The following ZNF469 variants were observed in gnomAD, a reference collection of about 807,000 sequenced individuals.
ZNF469 encodes zinc finger protein 469.
Under a neutral mutation model 1.0 loss-of-function variants are expected in ZNF469, and 1 was observed. The ratio of observed to expected loss-of-function variants is 1.00; its 90% CI spans 0.35 to 4.73. ZNF469 has a LOEUF of 4.73. Among genes scored for constraint, ZNF469 ranks in the 30% most tolerant of loss-of-function variants. The pLI is 0.16. For missense variants in ZNF469, 6,100 were observed against 5,356.3 expected (o/e 1.14, Z -4.33); for synonymous variants, 2,703 against 2,363.4 (o/e 1.14, Z -4.17).
At chr16:88,229,452 C>A in the ZNF469 span, among the ~76,000 whole-genome samples, 1 of 152,232 alleles carries the variant, frequency 6.6e-6, no homozygotes, top group Non-Finnish European at 1.5e-5. Context: ...GTTTTCCGTT[C>A]CTGCCAAGAC....
the ZNF469 span, among the ~76,000 whole-genome samples, chr16:88,338,035 G>A: frequency 6.6e-6 from 1 of 152,164 alleles, no homozygotes; most frequent in South Asian, 2.1e-4. Flanking sequence ...TGCTTTCGGT[G>A]ACACATCTAC....
chr16:88,174,738 A>G, the ZNF469 span, among the ~76,000 whole-genome samples: 8 of 150,508 alleles, frequency 5.3e-5, no homozygotes, highest in Non-Finnish European at 1.2e-4. Context: ...CCTTATGGTT[A>G]TAATATTTTT....
chr16:88,262,315 G>A, the ZNF469 span, among the ~76,000 whole-genome samples: 1 of 152,226 alleles, frequency 6.6e-6, no homozygotes, highest in South Asian at 2.1e-4. This position sits in a 1 kb window ranked among gnomAD's most constrained non-coding sequence, Gnocchi z 4.3. Context: ...ATCCCAGAGC[G>A]AGAAGGCAGC....
chr16:88,175,485 A>G, the ZNF469 span, among the ~76,000 whole-genome samples: 3 of 152,236 alleles, frequency 2.0e-5, no homozygotes, highest in Non-Finnish European at 4.4e-5. Context: ...ATCATACAAT[A>G]TATGTTTTCT....
the ZNF469 span, among the ~76,000 whole-genome samples, chr16:88,308,361 A>G: frequency 6.6e-6 from 1 of 152,244 alleles, no homozygotes; most frequent in Admixed American, 6.5e-5. Flanking sequence ...AGTTTTGGCA[A>G]GAAAGCCAGA....
chr16:88,141,106 G>A, the ZNF469 span, among the ~76,000 whole-genome samples: 187 of 152,194 alleles, frequency 1.2e-3, no homozygotes, highest in African/African-American at 4.3e-3. Context: ...CCCACCTTAC[G>A]GACACAATAA....
chr16:88,322,386 C>A, the ZNF469 span, among the ~76,000 whole-genome samples: 2 of 152,252 alleles, frequency 1.3e-5, no homozygotes. Flanking sequence ...GGCTCCTGCA[C>A]CTGCTCTCGC....
At chr16:88,170,558 A>G in the ZNF469 span, among the ~76,000 whole-genome samples, 4 of 152,242 alleles carry the variant, frequency 2.6e-5, no homozygotes, top group African/African-American at 9.6e-5. This position sits in a 1 kb window ranked among gnomAD's most constrained non-coding sequence, Gnocchi z 4.2. Context: ...CACCTGGCTC[A>G]TTTCACTTGG....
upstream of ZNF469, among the ~76,000 whole-genome samples, chr16:88,380,739 C>T (rs546060708): frequency 2.0e-5 from 3 of 150,010 alleles, no homozygotes; most frequent in African/African-American, 7.4e-5. Context: ...GACATGCACT[C>T]ACACACAGAC....
chr16:88,282,778 C>T, the ZNF469 span, among the ~76,000 whole-genome samples: 2 of 152,192 alleles, frequency 1.3e-5, no homozygotes, highest in African/African-American at 2.4e-5. Context: ...GGAGACATCT[C>T]CTGACCTCGA....
the ZNF469 span, among the ~76,000 whole-genome samples, chr16:88,187,426 G>A: frequency 1.6e-4 from 25 of 152,302 alleles, no homozygotes; most frequent in African/African-American, 4.6e-4. Context: ...GAAAACCTCC[G>A]GAATGGCTCC....
the ZNF469 span, among the ~76,000 whole-genome samples, chr16:88,123,016 C>T: frequency 6.6e-6 from 1 of 152,166 alleles, no homozygotes; most frequent in East Asian, 1.9e-4. Context: ...ATTTTTGATA[C>T]TCAGATTGCC....
the ZNF469 span, among the ~76,000 whole-genome samples, chr16:88,122,096 C>T: frequency 6.7e-6 from 1 of 148,270 alleles, no homozygotes; most frequent in Non-Finnish European, 1.5e-5. Context: ...TCGGCAGCCC[C>T]TCGGATCACA....
chr16:88,154,716 G>C, the ZNF469 span, among the ~76,000 whole-genome samples: 1 of 152,190 alleles, frequency 6.6e-6, no homozygotes, highest in Non-Finnish European at 1.5e-5. Flanking sequence ...CTGTTCATTT[G>C]TCTATCACTG....
the ZNF469 span, among the ~76,000 whole-genome samples, chr16:88,238,807 C>T: frequency 6.6e-6 from 1 of 152,258 alleles, no homozygotes; most frequent in Admixed American, 6.5e-5. Flanking sequence ...CAGCAGCCCA[C>T]TGTCCTTGTT....
At chr16:88,300,255 A>C in the ZNF469 span, among the ~76,000 whole-genome samples, 1 of 152,068 alleles carries the variant, frequency 6.6e-6, no homozygotes, top group Non-Finnish European at 1.5e-5. Context: ...AGTTCGCAAC[A>C]GTCCTGCCCG....
the ZNF469 span, among the ~76,000 whole-genome samples, chr16:88,186,059 G>A: frequency 6.6e-6 from 1 of 152,222 alleles, no homozygotes; most frequent in African/African-American, 2.4e-5. Context: ...GAGTCAAGCC[G>A]TCAGGTACCT....
Position 88,431,311 on chromosome 16 carries a change from T to C in ZNF469, c.3841T>C (p.Ser1281Pro). 6.5e-7 allele frequency: 1 copy of C among 1,549,776 alleles called. No individual in the cohort carries two copies. Among genetic ancestry groups the C allele is most frequent in the Non-Finnish European group, 8.7e-7 (1 of 1,146,720 alleles). Residue 1281 changes from serine (S) to proline (P), a missense_variant, in exon 3 of 3, where the codon TCG becomes CCG. Physicochemically the swap from Ser to Pro is moderately conservative, Grantham distance 74 (BLOSUM62 -1). Coordinates refer to ENST00000565624, the MANE Select transcript of ZNF469 (RefSeq NM_001367624.2). ...ACATGACACCGGCACCCCCAAGCCGTCGGGAAGCCTCGCCAACACGGCGCC... is the reference window on the plus strand; with the variant it reads ...ACATGACACCGGCACCCCCAAGCCGCCGGGAAGCCTCGCCAACACGGCGCC... Reference protein sequence around the residue: ...SRHDTGTPKPSGSLANTAPHG... With the variant: ...SRHDTGTPKPPGSLANTAPHG...
At chr16:88,342,686 G>A in the ZNF469 span, among the ~76,000 whole-genome samples, 2 of 152,162 alleles carry the variant, frequency 1.3e-5, no homozygotes, top group African/African-American at 2.4e-5. Context: ...GGGGACTGAG[G>A]CTGTGCCAGC....
Sources: allele counts gnomAD v4.1 joint callset (sites outside exome capture counted in the v4.1 genomes callset), GRCh38; gene constraint gnomAD v4.1.1; non-coding constraint Gnocchi (gnomAD v3.1); transcripts MANE v1.5; gene names NCBI Gene and HGNC (gene_info 2026-07-23, HGNC 2026-07-21).